ANXA4: variants seen among roughly 807,000 people sequenced by gnomAD.
ANXA4 encodes the protein annexin A4.
In ANXA4, 39 loss-of-function variants were observed where a neutral mutation model predicts 49.8. The ratio of observed to expected loss-of-function variants is 0.78; its 90% confidence interval spans 0.61 to 1.02. ANXA4 has a LOEUF of 1.02. Ranked by LOEUF, ANXA4 falls within the 50% of genes least tolerant of loss-of-function variation. ANXA4 has a pLI of 0.00. For synonymous variants in ANXA4, 134 were observed against 152.5 expected (o/e 0.88, Z 0.89); for missense variants, 360 against 410.1 (o/e 0.88, Z 1.05).
chr2:69,742,647 CCT>C (rs1476105189), intron 1 of ANXA4, among the ~76,000 whole-genome samples: 1 of 152,158 alleles, frequency 6.6e-6, no homozygotes, highest in Non-Finnish European at 1.5e-5. Context: ...TGTCTAATGC[CCT>C]CGGCACAGTG....
At chr2:69,783,226 TA>T (rs1342311903) in intron 2 of ANXA4, among the ~76,000 whole-genome samples, 10 of 152,252 alleles carry the variant, frequency 6.6e-5, no homozygotes, top group East Asian at 5.8e-4. Flanking sequence ...TTTTTATTTT[TA>T]TTTTTTTTGA....
intron 3 of ANXA4, among the ~76,000 whole-genome samples, chr2:69,791,201 T>G (rs1380398820): frequency 6.6e-6 from 1 of 152,194 alleles, no homozygotes; most frequent in African/African-American, 2.4e-5. Flanking sequence ...GAAAGTGACA[T>G]TCTTTACTCA....
At chr2:69,789,706 G>A (rs537139686) in intron 3 of ANXA4, among the ~76,000 whole-genome samples, 58 of 152,232 alleles carry the variant, frequency 3.8e-4, no homozygotes, top group African/African-American at 1.3e-3. Flanking sequence ...ATCCTCCTAG[G>A]GTCCAGTGGT....
intron 2 of ANXA4, among the ~76,000 whole-genome samples, chr2:69,689,743 A>G (rs1677901195): frequency 6.6e-6 from 1 of 152,156 alleles, no homozygotes; most frequent in Non-Finnish European, 1.5e-5. Flanking sequence ...GTTTTGTTTC[A>G]TAGGGATTGC....
At chr2:69,807,466 G>C (rs1573298065) in intron 5 of ANXA4, among the ~76,000 whole-genome samples, 3 of 152,192 alleles carry the variant, frequency 2.0e-5, no homozygotes, top group Admixed American at 2.0e-4. Context: ...TCAGTGTATT[G>C]TACTCCTCAT....
At chr2:69,694,422 T>C (rs1678088123) in intron 2 of ANXA4, among the ~76,000 whole-genome samples, 2 of 151,918 alleles carry the variant, frequency 1.3e-5, no homozygotes, top group African/African-American at 4.8e-5. Context: ...TCGTGCAGGT[T>C]TGTTACATAT....
intron 1 of ANXA4, among the ~76,000 whole-genome samples, chr2:69,756,385 A>T (rs1671040536): frequency 6.6e-6 from 1 of 152,236 alleles, no homozygotes; most frequent in Non-Finnish European, 1.5e-5. Flanking sequence ...GCCTTTCCTC[A>T]ACTGTAAAAT....
At chr2:69,694,113 C>A (rs975042381) in intron 2 of ANXA4, among the ~76,000 whole-genome samples, 1 of 152,110 alleles carries the variant, frequency 6.6e-6, no homozygotes, top group East Asian at 1.9e-4. Context: ...CCCCTCAACC[C>A]CTGCAACATT....
chr2:69,782,257 C>G (rs1672230116), intron 2 of ANXA4, among the ~76,000 whole-genome samples: 1 of 152,176 alleles, frequency 6.6e-6, no homozygotes, highest in Non-Finnish European at 1.5e-5. Context: ...AAGTAGAAAT[C>G]TTATACCTAG....
In ANXA4 at chr2:69,804,587, G is replaced by T. The variant is rs761374777; in HGVS notation, c.152G>T (p.Arg51Leu). 4.3e-6 allele frequency: 7 copies of T among 1,613,788 alleles called. No homozygotes were observed. The highest frequency in any genetic ancestry group is 5.9e-6 in the Non-Finnish European group (7 of 1,179,894). The change falls in exon 4 of 13, where the codon CGC becomes CTC. Residue 51 changes from arginine (R) to leucine (L), a missense_variant. By Grantham distance (102) the Arg-to-Leu change is moderately radical. Transcript: ENST00000394295. ...CTTGCCTACCGCAACACCGCCCAGC[G>T]CCAGGAGATCAGGACAGCCTACAAG... is the stretch of plus-strand genomic sequence containing the variant. ...SVLAYRNTAQRQEIRTAYKST... is the reference protein window; with the variant it reads ...SVLAYRNTAQLQEIRTAYKST...
chr2:69,733,055 T>C (rs534128246), intron 3 of ANXA4, among the ~76,000 whole-genome samples: 1 of 152,204 alleles, frequency 6.6e-6, no homozygotes, highest in Non-Finnish European at 1.5e-5. Context: ...TTTGTAAATG[T>C]TTAGTAGACA....
chr2:69,818,231 G>A (rs1477974805), intron 9 of ANXA4: 1 of 157,266 alleles, frequency 6.4e-6, no homozygotes, highest in African/African-American at 2.4e-5. Context: ...GAGCCAAAAG[G>A]GAGATGACAG....
At chr2:69,783,308 T>C (rs537292563) in intron 2 of ANXA4, among the ~76,000 whole-genome samples, 2 of 152,174 alleles carry the variant, frequency 1.3e-5, no homozygotes, top group African/African-American at 4.8e-5. Flanking sequence ...ACCTCCGTCG[T>C]AGGTTTAAGC....
intron 3 of ANXA4, among the ~76,000 whole-genome samples, chr2:69,733,645 A>G (rs1670165327): frequency 6.6e-6 from 1 of 151,988 alleles, no homozygotes; most frequent in Non-Finnish European, 1.5e-5. Flanking sequence ...CAGGAAAAGA[A>G]AATAAGGTGT....
intron 2 of ANXA4, among the ~76,000 whole-genome samples, chr2:69,673,309 G>T (rs1677260607): frequency 6.6e-6 from 1 of 152,064 alleles, no homozygotes; most frequent in Non-Finnish European, 1.5e-5. Context: ...TATACACCAT[G>T]GAATACTATG....
chr2:69,719,828 A>G (rs1295879099), intron 2 of ANXA4, among the ~76,000 whole-genome samples: 2 of 151,792 alleles, frequency 1.3e-5, no homozygotes, highest in Admixed American at 6.6e-5. Flanking sequence ...GGGTCTCACT[A>G]TGTTGCCCAG....
chr2:69,769,401 AG>A (rs1038349112), intron 1 of ANXA4, among the ~76,000 whole-genome samples: 18 of 152,334 alleles, frequency 1.2e-4, no homozygotes, highest in Middle Eastern at 6.8e-3. Flanking sequence ...CAGGTAAACT[AG>A]GTGTTTTATC....
Position 69,719,461 on chromosome 2 carries a change from A to G in ANXA4, n.767-1313A>G, listed in dbSNP as rs191819960. Among the ~76,000 whole-genome samples the G allele has an allele frequency of 5.0e-3, 751 of 149,948 alleles. 9 individuals are homozygous for G. The highest frequency in any genetic ancestry group is 0.017 in the African/African-American group (689 of 40,928). ...AAAATTATTATTATTTTTTTTTGAG[A>G]CGGAGTCTTGCTCTGTTGCCCAGGC... On this transcript the variant is annotated intron_variant and non_coding_transcript_variant, in intron 2 of 3. Coordinates refer to the ANXA4 transcript ENST00000418066.
chr2:69,804,764 G>C (rs1393211544), intron 4 of ANXA4, 137 bp downstream of exon 4: 3 of 775,282 alleles, frequency 3.9e-6, no homozygotes, highest in Non-Finnish European at 4.2e-6. Context: ...ATGTTCTTGA[G>C]GCCAGGTGTG....
Sources: gnomAD v4.1 joint callset for allele counts (sites outside exome capture counted in the v4.1 genomes callset) on GRCh38, gnomAD v4.1.1 for gene constraint, MANE v1.5 for transcripts, NCBI Gene and HGNC (gene_info 2026-07-23, HGNC 2026-07-21) for gene names.